Variants in CAPZA2 observed in about 807,000 individuals in gnomAD.
CAPZA2 encodes the protein F-actin-capping protein subunit alpha-2.
A neutral mutation model predicts 44.0 loss-of-function variants in CAPZA2; 13 were observed. The ratio of observed to expected loss-of-function variants is 0.30; its 90% CI spans 0.19 to 0.47. The LOEUF (loss-of-function observed/expected upper bound fraction) is 0.47, where lower values mean the gene tolerates loss of function less well. CAPZA2 is among the 20% of genes least tolerant of loss of function. The probability of loss-of-function intolerance (pLI) is 1.00; values close to 1 mark genes in which losing one functional copy is unlikely to be tolerated. For synonymous variants in CAPZA2, 94 were observed against 108.2 expected, an observed-to-expected ratio of 0.87 and a Z score of 0.81; for missense variants, 244 against 338.6, an observed-to-expected ratio of 0.72 and a Z score of 2.19.
At chr7:116,914,982 C>T (rs891766522) in intron 8 of CAPZA2, among the ~76,000 whole-genome samples, 2 of 151,948 alleles carry the variant, frequency 1.3e-5, no homozygotes, top group African/African-American at 4.8e-5. Flanking sequence ...TGACATTGAG[C>T]GAAGATGCTT....
chr7:116,903,939 C>T (rs150304706), intron 4 of CAPZA2, among the ~76,000 whole-genome samples: 67 of 152,166 alleles, frequency 4.4e-4, no homozygotes, highest in African/African-American at 1.5e-3. Flanking sequence ...TTTTTTTCAC[C>T]AGTAGCTGGA....
At chr7:116,890,504 C>T (rs1228763464) in intron 2 of CAPZA2, among the ~76,000 whole-genome samples, 2 of 59,756 alleles carry the variant, frequency 3.3e-5, no homozygotes, top group African/African-American at 6.5e-5. Flanking sequence ...AACCCTGTCT[C>T]TACTTAAAAA....
At chr7:116,898,978 A>C (rs944233000) in intron 4 of CAPZA2, 143 bp downstream of exon 4, 1 of 449,166 alleles carries the variant, frequency 2.2e-6, no homozygotes, top group Non-Finnish European at 3.9e-6. Context: ...TTGAAGTTTT[A>C]CTTTCTTTTG....
At chr7:116,885,957 C>G (rs1796756913) in intron 1 of CAPZA2, 1 of 154,328 alleles carries the variant, frequency 6.5e-6, no homozygotes, top group Non-Finnish European at 1.5e-5. Context: ...GGAGGTGGGT[C>G]AGAAGTCCCA....
chr7:116,890,901 C>T (rs184809687), intron 2 of CAPZA2, among the ~76,000 whole-genome samples: 2 of 151,044 alleles, frequency 1.3e-5, no homozygotes, highest in African/African-American at 4.9e-5. Flanking sequence ...CCAAAAAGAG[C>T]CACAAAATTT....
intron 6 of CAPZA2, among the ~76,000 whole-genome samples, chr7:116,908,105 A>AG (rs1791541416): frequency 6.6e-6 from 1 of 151,778 alleles, no homozygotes; most frequent in Non-Finnish European, 1.5e-5. Context: ...GGAAAAAAAA[A>AG]AAAAAATTAG....
At chr7:116,866,216 C>T (rs1269996987) in intron 1 of CAPZA2, among the ~76,000 whole-genome samples, 4 of 148,416 alleles carry the variant, frequency 2.7e-5, no homozygotes, top group African/African-American at 1.0e-4. Flanking sequence ...GACGGAGTCT[C>T]GCTCTTTCAC....
At chr7:116,908,641 T>C (rs1338316133) in intron 6 of CAPZA2, among the ~76,000 whole-genome samples, 1 of 152,186 alleles carries the variant, frequency 6.6e-6, no homozygotes, top group African/African-American at 2.4e-5. Flanking sequence ...GAATTATTTT[T>C]TTTTCTTTTC....
intron 2 of CAPZA2, among the ~76,000 whole-genome samples, chr7:116,891,701 C>T (rs1463306721): frequency 2.0e-5 from 3 of 151,958 alleles, no homozygotes; most frequent in East Asian, 1.9e-4. Context: ...TTAGTAGAGA[C>T]GGGGTTTCAC....
At chr7:116,916,389 C>T (rs1473976108) in intron 9 of CAPZA2, among the ~76,000 whole-genome samples, 1 of 152,204 alleles carries the variant, frequency 6.6e-6, no homozygotes. Flanking sequence ...CACTGGGAAG[C>T]CGAGGCAGGT....
intron 1 of CAPZA2, among the ~76,000 whole-genome samples, chr7:116,864,979 T>C (rs1272345793): frequency 6.6e-6 from 1 of 152,178 alleles, no homozygotes; most frequent in African/African-American, 2.4e-5. Context: ...TACCATACTT[T>C]ATATATGCTT....
chr7:116,881,435 A>G (rs920851093), intron 1 of CAPZA2, among the ~76,000 whole-genome samples: 1 of 152,096 alleles, frequency 6.6e-6, no homozygotes, highest in Admixed American at 6.5e-5. Context: ...GCATTCTTTT[A>G]CAAAACTACA....
chr7:116,899,067 A>G (rs1477577040), intron 4 of CAPZA2, among the ~76,000 whole-genome samples: 2 of 152,052 alleles, frequency 1.3e-5, no homozygotes, highest in Admixed American at 6.6e-5. Context: ...TTAGTAAATG[A>G]TTACTGTAAA....
At chr7:116,908,138 A>G (rs547142369) in intron 6 of CAPZA2, among the ~76,000 whole-genome samples, 3 of 151,688 alleles carry the variant, frequency 2.0e-5, no homozygotes, top group South Asian at 4.2e-4. Flanking sequence ...GTGCGTGCCT[A>G]TAGTCCTAGC....
At chr7:116,883,220 T>C (rs1207879329) in intron 1 of CAPZA2, among the ~76,000 whole-genome samples, 1 of 152,224 alleles carries the variant, frequency 6.6e-6, no homozygotes, top group Non-Finnish European at 1.5e-5. Flanking sequence ...TTTAAGGAAA[T>C]ACATTTGTAA....
intron 1 of CAPZA2, among the ~76,000 whole-genome samples, chr7:116,887,031 G>A (rs930745109): frequency 7.9e-5 from 12 of 152,236 alleles, no homozygotes; most frequent in Admixed American, 7.2e-4. Flanking sequence ...GATCTGGTCA[G>A]GTCTCCTGTT....
chr7:116,906,207 G>T, intron 5 of CAPZA2, 56 bp from the exon 6 acceptor site: 3 of 1,581,092 alleles, frequency 1.9e-6, no homozygotes, highest in Admixed American at 2.0e-5. Flanking sequence ...GATTTTTAAA[G>T]TTGGACATTC....
chr7:116,916,045 T>C lies in CAPZA2; in HGVS notation c.658-15T>C. The C allele has an allele frequency of 7.1e-7, 1 of 1,417,906 alleles. No individual in the cohort carries two copies. The highest frequency in any genetic ancestry group is 9.4e-7 in the Non-Finnish European group (1 of 1,061,686). 87.8% of individuals were successfully genotyped at this position (1,417,906 alleles called of 1,614,324 possible). The stretch of plus-strand genomic sequence containing the variant: ...TTTTAAATTACTATTTTTATTTTGT[T>C]TTTTTTTTTTTCAGAATGAAGTGCA... On this transcript the variant is annotated splice_polypyrimidine_tract_variant and intron_variant, in intron 8 of 9. Transcript: ENST00000361183.
At chr7:116,917,123 A>G (rs1791690593) in intron 9 of CAPZA2, among the ~76,000 whole-genome samples, 1 of 152,220 alleles carries the variant, frequency 6.6e-6, no homozygotes, top group Non-Finnish European at 1.5e-5. Context: ...ATAATAATCT[A>G]TAAATTGTTC....
Sources: allele counts gnomAD v4.1 joint callset (sites outside exome capture counted in the v4.1 genomes callset), GRCh38; gene constraint gnomAD v4.1.1; transcripts MANE v1.5; gene names NCBI Gene and HGNC (gene_info 2026-07-23, HGNC 2026-07-21).